The following KIF16B variants were observed in gnomAD, a reference collection of about 807,000 sequenced individuals.
The protein encoded by KIF16B is kinesin family member 16B.
KIF16B carries 98 observed loss-of-function variants against 156.3 expected under a neutral mutation model. The observed-to-expected ratio is 0.63, with a 90% confidence interval of 0.53 to 0.74. KIF16B has a LOEUF of 0.74. Ranked by LOEUF, KIF16B falls within the 30% of genes least tolerant of loss-of-function variation. The pLI, the probability that KIF16B is intolerant of heterozygous loss-of-function variation, is 0.00. For missense variants in KIF16B, 1,421 were observed against 1,606.5 expected, an observed-to-expected ratio of 0.88 and a Z score of 1.97; for synonymous variants, 564 against 583.7, an observed-to-expected ratio of 0.97 and a Z score of 0.49.
chr20:16,410,085 A>G lies in KIF16B; in HGVS notation c.1613-3629T>C, dbSNP rs530186777. 9.8e-4 allele frequency among the ~76,000 whole-genome samples: 123 copies of G among 125,720 alleles called. 4 individuals carry two copies. Among genetic ancestry groups the G allele is most frequent in the Non-Finnish European group, 1.7e-3 (104 of 59,822 alleles). The allele number at this position is 125,720 out of a possible 152,430, so 82.5% of individuals were successfully genotyped here. On this transcript the variant is annotated intron_variant, in intron 15 of 25. Transcript: ENST00000354981. ...TATATATGTAGGTACATATATATAT[A>G]TGTAGGTACATATATATATATGTAG...
At chr20:16,460,387 T>G (rs1280245738) in intron 12 of KIF16B, among the ~76,000 whole-genome samples, 1 of 151,980 alleles carries the variant, frequency 6.6e-6, no homozygotes, top group Non-Finnish European at 1.5e-5. Context: ...TTGAGATCAG[T>G]CTGGTGAAAC....
At chr20:16,507,197 G>T (rs1321266712) in intron 7 of KIF16B, among the ~76,000 whole-genome samples, 24 of 152,144 alleles carry the variant, frequency 1.6e-4, no homozygotes, top group Admixed American at 1.6e-3. Flanking sequence ...TAAAGGAAAG[G>T]TCTAACAGAA....
intron 12 of KIF16B, among the ~76,000 whole-genome samples, chr20:16,484,015 C>CCAGT (rs10640389): frequency 0.22 from 32,820 of 152,000 alleles, 6,961 homozygotes; most frequent in African/African-American, 0.56. Context: ...TTCCATATGA[C>CCAGT]CAATCTTTTC....
chr20:16,322,214 C>T (rs1457467540), intron 24 of KIF16B, among the ~76,000 whole-genome samples: 2 of 151,926 alleles, frequency 1.3e-5, no homozygotes, highest in Non-Finnish European at 2.9e-5. Flanking sequence ...CAAAGCAAGA[C>T]TAAGTCACTA....
chr20:16,476,896 C>G (rs776201641), intron 12 of KIF16B, among the ~76,000 whole-genome samples: 14 of 151,924 alleles, frequency 9.2e-5, no homozygotes, highest in Non-Finnish European at 1.6e-4. Context: ...GTAGCTGGGA[C>G]TACAGGCGCG....
At chr20:16,569,193 G>A (rs531906500) in intron 1 of KIF16B, among the ~76,000 whole-genome samples, 5 of 152,248 alleles carry the variant, frequency 3.3e-5, no homozygotes, top group Middle Eastern at 3.4e-3. Flanking sequence ...TCAGAACTAC[G>A]AGAAGTAAAT....
At chr20:16,472,694 G>A (rs115179114) in intron 12 of KIF16B, among the ~76,000 whole-genome samples, 2,843 of 151,896 alleles carry the variant, frequency 0.019, 98 homozygotes, top group African/African-American at 0.065. Context: ...CCATGATAAC[G>A]TCATGCCACG....
intron 12 of KIF16B, among the ~76,000 whole-genome samples, chr20:16,447,245 T>C (rs1164889305): frequency 6.6e-6 from 1 of 152,066 alleles, no homozygotes; most frequent in Non-Finnish European, 1.5e-5. Context: ...ACTCTTAAGT[T>C]AGCCAAGGAA....
At chr20:16,396,389 T>C (rs1026175780) in intron 17 of KIF16B, among the ~76,000 whole-genome samples, 2 of 151,898 alleles carry the variant, frequency 1.3e-5, no homozygotes, top group African/African-American at 4.8e-5. Context: ...AGTCATACAA[T>C]GGAATATCAT....
chr20:16,297,556 C>T (rs1011311658), intron 25 of KIF16B, among the ~76,000 whole-genome samples: 6 of 151,916 alleles, frequency 3.9e-5, no homozygotes, highest in South Asian at 2.1e-4. Context: ...ATTAGCTGGG[C>T]GTGGTGGCGG....
chr20:16,275,304 C>A (rs568963698), intron 25 of KIF16B, among the ~76,000 whole-genome samples: 5 of 152,158 alleles, frequency 3.3e-5, no homozygotes, highest in Non-Finnish European at 7.3e-5. Flanking sequence ...GATCCACCCC[C>A]CTTGGCCTCC....
intron 4 of KIF16B, among the ~76,000 whole-genome samples, chr20:16,515,156 T>G (rs562190895): frequency 3.2e-4 from 48 of 151,868 alleles, no homozygotes; most frequent in Non-Finnish European, 6.5e-4. Context: ...AGAGTTAGAA[T>G]TTTTTTTACA....
chr20:16,472,345 C>G (rs1297002005), intron 12 of KIF16B, among the ~76,000 whole-genome samples: 1 of 151,942 alleles, frequency 6.6e-6, no homozygotes, highest in Non-Finnish European at 1.5e-5. Flanking sequence ...ATAGATTATT[C>G]CAGTGAGGTG....
At chr20:16,469,407 C>A (rs780103057) in intron 12 of KIF16B, among the ~76,000 whole-genome samples, 2 of 151,436 alleles carry the variant, frequency 1.3e-5, no homozygotes, top group Non-Finnish European at 2.9e-5. Flanking sequence ...AAGAAGAAAT[C>A]TCAAGAGAAT....
chr20:16,406,394 T>C lies in KIF16B; in HGVS notation c.1675A>G (p.Lys559Glu). 6.2e-7 allele frequency: 1 copy of C among 1,613,568 alleles called. No homozygotes were observed. Among genetic ancestry groups the C allele is most frequent in the Non-Finnish European group, 8.5e-7 (1 of 1,179,654 alleles). The change falls in exon 16 of 26, where the codon AAG (lysine) becomes GAG (glutamate). Residue 559 changes from lysine to glutamate, a missense_variant. By Grantham distance (56) the Lys-to-Glu change is moderately conservative (BLOSUM62 1). Transcript: ENST00000354981. ...CTCACCTTCCTCTTCTCCCTGAGCT[T>C]GGCGGCTTCCTTTGGATGGTTAAAG... is the stretch of plus-strand genomic sequence containing the variant. ...FRFNHPKEAA[K>E]LREKRKSGLL...
intron 1 of KIF16B, among the ~76,000 whole-genome samples, chr20:16,552,866 A>T (rs1208827642): frequency 6.6e-6 from 1 of 152,008 alleles, no homozygotes; most frequent in Non-Finnish European, 1.5e-5. Context: ...TCTGGGTTCA[A>T]GCAATTCTCC....
At position 16,514,878 on chromosome 20, in the gene KIF16B, T is replaced by C. The variant is rs184077218; in HGVS notation, c.348+670A>G. On this transcript the variant is annotated intron_variant, in intron 4 of 25. Coordinates refer to ENST00000354981, the MANE Select transcript of KIF16B (RefSeq NM_024704.5). Reference sequence around the variant, plus strand: ...TCTAGCCTGGGCGACGGAGTGAGATTCCATCTCAAAAAAAAAAAAAAAAAA... The same window carrying C: ...TCTAGCCTGGGCGACGGAGTGAGATCCCATCTCAAAAAAAAAAAAAAAAAA... 2.0e-3 allele frequency among the ~76,000 whole-genome samples: 196 copies of C among 96,072 alleles called. 1 individual carries two copies. Among genetic ancestry groups the C allele is most frequent in the South Asian group, 9.9e-3 (27 of 2,714 alleles). 63.0% of individuals were successfully genotyped at this position (96,072 alleles called of 152,430 possible).
intron 24 of KIF16B, among the ~76,000 whole-genome samples, chr20:16,325,352 G>A (rs1376717250): frequency 8.1e-6 from 1 of 123,040 alleles, no homozygotes; most frequent in Non-Finnish European, 1.7e-5. Context: ...ATCAGAAACA[G>A]GAAGTCAAAC....
intron 12 of KIF16B, among the ~76,000 whole-genome samples, chr20:16,459,145 T>A (rs1162475346): frequency 6.6e-6 from 1 of 152,180 alleles, no homozygotes; most frequent in East Asian, 1.9e-4. Context: ...TAATTACAGG[T>A]ATACTTACAT....
Sources: gnomAD v4.1 joint callset for allele counts (sites outside exome capture counted in the v4.1 genomes callset) on GRCh38, gnomAD v4.1.1 for gene constraint, MANE v1.5 for transcripts, NCBI Gene and HGNC (gene_info 2026-07-23, HGNC 2026-07-21) for gene names.